The following GBE1 variants were observed in gnomAD, a reference collection of about 807,000 sequenced individuals.
The protein encoded by GBE1 is 1,4-alpha-glucan-branching enzyme.
In GBE1, 70 loss-of-function variants were observed where a neutral mutation model predicts 88.8. The ratio of observed to expected loss-of-function variants is 0.79; its 90% CI spans 0.65 to 0.96. The LOEUF is 0.96. GBE1 is among the 40% of genes least tolerant of loss of function. The pLI is 0.00. For synonymous variants in GBE1, 284 were observed against 300.1 expected (o/e 0.95, Z 0.56); for missense variants, 872 against 871.0 (o/e 1.00, Z -0.01).
intron 12 of GBE1, among the ~76,000 whole-genome samples, chr3:81,567,139 T>C (rs938114782): frequency 6.6e-6 from 1 of 152,192 alleles, no homozygotes; most frequent in Non-Finnish European, 1.5e-5. Flanking sequence ...CTCGTCTAGT[T>C]CACCACTGGC....
At chr3:81,604,855 A>G (rs1176888328) in intron 7 of GBE1, among the ~76,000 whole-genome samples, 3 of 152,140 alleles carry the variant, frequency 2.0e-5, no homozygotes, top group Non-Finnish European at 4.4e-5. Flanking sequence ...CACAGCTTAC[A>G]ATTTCTCTTT....
chr3:81,686,434 T>C (rs1200827031), intron 2 of GBE1, among the ~76,000 whole-genome samples: 1 of 152,132 alleles, frequency 6.6e-6, no homozygotes, highest in African/African-American at 2.4e-5. Context: ...GAAGGATGTA[T>C]TCTGCATAGA....
intron 12 of GBE1, among the ~76,000 whole-genome samples, chr3:81,547,155 C>T (rs567078052): frequency 6.6e-5 from 10 of 151,450 alleles, no homozygotes; most frequent in African/African-American, 1.4e-4. Context: ...TTGCATTAGA[C>T]GCCCAATTTA....
intron 2 of GBE1, among the ~76,000 whole-genome samples, chr3:81,684,583 G>A (rs1705405273): frequency 1.3e-5 from 2 of 152,016 alleles, no homozygotes; most frequent in South Asian, 2.1e-4. Context: ...ACCTCCCAAA[G>A]CCCCCGCCTG....
rs182916204 is a variant in GBE1 at position 81,688,939 on chromosome 3, A to C, written c.313+16505T>G. Among the ~76,000 whole-genome samples, 609 of 152,208 alleles carry C rather than the reference A, an allele frequency of 4.0e-3. 7 individuals carry two copies. Among genetic ancestry groups the C allele is most frequent in the African/African-American group, 0.013 (553 of 41,558 alleles). ...ACATATTAAATATCACCATTTAAAA[A>C]AAGGAATATTCTAAAATGTTCAATA... On this transcript the variant is annotated intron_variant, in intron 2 of 15. Transcript: ENST00000429644.
At chr3:81,752,065 G>C (rs1706537664) in intron 1 of GBE1, among the ~76,000 whole-genome samples, 1 of 152,138 alleles carries the variant, frequency 6.6e-6, no homozygotes, top group African/African-American at 2.4e-5. Context: ...CCCAGAGATT[G>C]TGTCTCATTA....
chr3:81,534,948 C>A (rs1410755879), intron 14 of GBE1: 1 of 366,312 alleles, frequency 2.7e-6, no homozygotes, highest in Non-Finnish European at 4.9e-6. Context: ...CAGCTCTTTC[C>A]TTTGATGTGA....
chr3:81,729,412 C>G (rs993169606), intron 1 of GBE1, among the ~76,000 whole-genome samples: 2 of 152,164 alleles, frequency 1.3e-5, no homozygotes, highest in Non-Finnish European at 2.9e-5. Context: ...TGTAAGCCCA[C>G]TCAGTGACAG....
intron 12 of GBE1, among the ~76,000 whole-genome samples, chr3:81,551,425 C>T (rs916790470): frequency 3.3e-5 from 5 of 152,082 alleles, no homozygotes; most frequent in African/African-American, 1.2e-4. Context: ...TCCTGGGGCC[C>T]CAGAATCACT....
chr3:81,668,247 C>CG (rs1705141384), intron 3 of GBE1, among the ~76,000 whole-genome samples: 1 of 151,834 alleles, frequency 6.6e-6, no homozygotes, highest in Non-Finnish European at 1.5e-5. Flanking sequence ...ACTCAGAGAA[C>CG]GGGTCAGTAG....
chr3:81,554,451 T>C (rs1703319778), intron 12 of GBE1, among the ~76,000 whole-genome samples: 1 of 152,202 alleles, frequency 6.6e-6, no homozygotes, highest in Non-Finnish European at 1.5e-5. Flanking sequence ...ATTGCAACTT[T>C]AGGTTTAGAC....
intron 9 of GBE1, 24 bp downstream of exon 9, chr3:81,591,013 G>T (rs778916038): frequency 8.2e-6 from 13 of 1,594,982 alleles, no homozygotes; most frequent in South Asian, 8.0e-5. Flanking sequence ...GGGGTCAGAA[G>T]GTAAGACTTC....
At chr3:81,669,544 G>A (rs1048484474) in intron 3 of GBE1, among the ~76,000 whole-genome samples, 2 of 151,798 alleles carry the variant, frequency 1.3e-5, no homozygotes, top group Non-Finnish European at 2.9e-5. Flanking sequence ...GTCTCAAAAT[G>A]GCTTTAACAC....
chr3:81,690,506 C>T (rs908869882), intron 2 of GBE1, among the ~76,000 whole-genome samples: 3 of 152,190 alleles, frequency 2.0e-5, no homozygotes, highest in African/African-American at 7.2e-5. Context: ...CAGAACTACT[C>T]ACTATTTTAT....
intron 1 of GBE1, among the ~76,000 whole-genome samples, chr3:81,747,748 C>G (rs1339405999): frequency 6.6e-6 from 1 of 152,184 alleles, no homozygotes; most frequent in East Asian, 1.9e-4. Flanking sequence ...ATTTCCTTCT[C>G]CTGGCTCAGA....
chr3:81,546,426 G>A (rs115166333), intron 12 of GBE1, among the ~76,000 whole-genome samples: 4,948 of 151,856 alleles, frequency 0.033, 105 homozygotes, highest in Non-Finnish European at 0.051. Flanking sequence ...AAGAGGGGCT[G>A]GGTAAAATAA....
chr3:81,590,491 T>C (rs867252749), intron 9 of GBE1, among the ~76,000 whole-genome samples: 2 of 152,068 alleles, frequency 1.3e-5, no homozygotes, highest in Non-Finnish European at 2.9e-5. Context: ...TATGCATATA[T>C]GGAATTATAT....
At chr3:81,709,156 T>G (rs1225186327) in intron 1 of GBE1, among the ~76,000 whole-genome samples, 1 of 152,146 alleles carries the variant, frequency 6.6e-6, no homozygotes, top group Non-Finnish European at 1.5e-5. Flanking sequence ...TTCAAGAACA[T>G]AAAAAAATAC....
At chr3:81,655,667 C>T (rs1235551045) in intron 3 of GBE1, among the ~76,000 whole-genome samples, 1 of 151,908 alleles carries the variant, frequency 6.6e-6, no homozygotes, top group Non-Finnish European at 1.5e-5. Flanking sequence ...CAGGCACCTG[C>T]CACCACGCCC....
Sources: gnomAD v4.1 joint callset for allele counts (sites outside exome capture counted in the v4.1 genomes callset) on GRCh38, gnomAD v4.1.1 for gene constraint, MANE v1.5 for transcripts, NCBI Gene and HGNC (gene_info 2026-07-23, HGNC 2026-07-21) for gene names.